Variants in SCAPER observed in about 807,000 individuals in gnomAD.
SCAPER encodes the protein S phase cyclin A-associated protein in the endoplasmic reticulum.
A neutral mutation model predicts 182.2 loss-of-function variants in SCAPER; 98 were observed. The ratio of observed to expected loss-of-function variants is 0.54; its 90% CI spans 0.46 to 0.64. The LOEUF is 0.64. Among genes scored for constraint, SCAPER ranks in the 30% least tolerant of loss-of-function variants. SCAPER has a pLI of 0.00. For synonymous variants in SCAPER, 605 were observed against 564.6 expected, an observed-to-expected ratio of 1.07 and a Z score of -1.01; for missense variants, 1,432 against 1,690.0, an observed-to-expected ratio of 0.85 and a Z score of 2.68.
intron 21 of SCAPER, among the ~76,000 whole-genome samples, chr15:76,633,901 G>A (rs143865855): frequency 1.3e-3 from 193 of 152,342 alleles, no homozygotes; most frequent in Non-Finnish European, 2.3e-3. Flanking sequence ...AGTCATTTTA[G>A]CTTATAGGGA....
At chr15:76,561,485 T>A (rs914428967) in intron 23 of SCAPER, among the ~76,000 whole-genome samples, 4 of 151,786 alleles carry the variant, frequency 2.6e-5, no homozygotes, top group East Asian at 1.9e-4. Context: ...ATTATAAAAA[T>A]TTTTTTTTAA....
intron 29 of SCAPER, among the ~76,000 whole-genome samples, chr15:76,371,582 T>G (rs1162651101): frequency 6.6e-6 from 1 of 150,758 alleles, no homozygotes; most frequent in Non-Finnish European, 1.5e-5. Context: ...CCTCTCAAAG[T>G]GCTGGGATTA....
chr15:76,429,067 C>T (rs1460075389), intron 26 of SCAPER, among the ~76,000 whole-genome samples: 3 of 151,564 alleles, frequency 2.0e-5, no homozygotes, highest in East Asian at 1.9e-4. Flanking sequence ...ATAAGTCTCA[C>T]GAGATCTGGT....
In SCAPER at chr15:76,381,422, G is replaced by A. The variant is rs1297546100; in HGVS notation, c.3661C>T (p.Arg1221Cys). Residue 1221 changes from arginine (R) to cysteine (C), a missense_variant, in exon 28 of 32, where the codon CGT (arginine) becomes TGT (cysteine). Arg to Cys is a radical substitution (Grantham distance 180). Transcript: ENST00000563290. ...AGAGCTGCAAAGCTGTTGAAGAAAC[G>A]TAAACTCTGAATGGCCACTTGGATG... ...NTIQVAIQSL[R>C]FFNSFAALHL... 3.7e-6 allele frequency: 6 copies of A among 1,613,686 alleles called. No homozygotes were observed. Among genetic ancestry groups the A allele is most frequent in the East Asian group, 2.2e-5 (1 of 44,904 alleles).
chr15:76,611,087 A>T (rs1301536905), intron 22 of SCAPER, among the ~76,000 whole-genome samples: 1 of 152,196 alleles, frequency 6.6e-6, no homozygotes, highest in Non-Finnish European at 1.5e-5. Flanking sequence ...AGAATAGAAT[A>T]CAGAATCCAT....
intron 14 of SCAPER, among the ~76,000 whole-genome samples, chr15:76,757,675 A>C (rs905930176): frequency 6.6e-6 from 1 of 152,136 alleles, no homozygotes; most frequent in African/African-American, 2.4e-5. Context: ...TTTTTTGAGG[A>C]AATTCCATAT....
intron 4 of SCAPER, among the ~76,000 whole-genome samples, chr15:76,849,803 A>C (rs1276869171): frequency 6.6e-6 from 1 of 152,176 alleles, no homozygotes; most frequent in Non-Finnish European, 1.5e-5. Context: ...GTGACTTATA[A>C]AGGAAAGAGG....
At chr15:76,861,778 C>T (rs1415800540) in intron 3 of SCAPER, 1 of 152,018 alleles carries the variant, frequency 6.6e-6, no homozygotes, top group African/African-American at 2.4e-5. Flanking sequence ...AGTCCATTTT[C>T]ATACTGCTTA....
At chr15:76,694,896 A>G (rs1478048660) in intron 20 of SCAPER, among the ~76,000 whole-genome samples, 2 of 152,132 alleles carry the variant, frequency 1.3e-5, no homozygotes, top group African/African-American at 4.8e-5. Flanking sequence ...TGAAAAAAGC[A>G]ATTTTGCAAT....
chr15:76,878,790 G>A (rs548646053), intron 2 of SCAPER, among the ~76,000 whole-genome samples: 1 of 151,994 alleles, frequency 6.6e-6, no homozygotes, highest in Non-Finnish European at 1.5e-5. Context: ...AGAAGAGGAA[G>A]AGGAAGAAGA....
At chr15:76,409,595 T>C (rs991459540) in intron 26 of SCAPER, among the ~76,000 whole-genome samples, 1 of 151,404 alleles carries the variant, frequency 6.6e-6, no homozygotes, top group Non-Finnish European at 1.5e-5. Context: ...CCATGTATTA[T>C]GTACCCCCGA....
intron 1 of SCAPER, among the ~76,000 whole-genome samples, chr15:76,893,573 C>G (rs552868687): frequency 1.3e-5 from 2 of 151,964 alleles, no homozygotes; most frequent in South Asian, 4.2e-4. Flanking sequence ...CCAAATGGAC[C>G]TAACAGACAT....
chr15:76,626,141 G>A (rs138001961), intron 21 of SCAPER, among the ~76,000 whole-genome samples: 180 of 152,100 alleles, frequency 1.2e-3, no homozygotes, highest in African/African-American at 2.4e-3. Context: ...GTCACTTCTC[G>A]GTTGAATGCC....
intron 25 of SCAPER, among the ~76,000 whole-genome samples, chr15:76,459,830 T>C (rs549262300): frequency 1.3e-5 from 2 of 152,268 alleles, no homozygotes; most frequent in Admixed American, 6.5e-5. Flanking sequence ...CTGTAATTCA[T>C]TTTGAGTTGA....
intron 26 of SCAPER, among the ~76,000 whole-genome samples, chr15:76,424,092 T>A (rs2046247168): frequency 6.6e-6 from 1 of 152,228 alleles, no homozygotes; most frequent in Non-Finnish European, 1.5e-5. Context: ...AGAATGTATA[T>A]TCTGTTGATT....
intron 2 of SCAPER, among the ~76,000 whole-genome samples, chr15:76,869,915 A>C (rs2072573543): frequency 6.6e-6 from 1 of 152,218 alleles, no homozygotes; most frequent in East Asian, 1.9e-4. Context: ...TTCAGCCATG[A>C]AAAAGAATAA....
intron 20 of SCAPER, among the ~76,000 whole-genome samples, chr15:76,697,932 G>T (rs908949102): frequency 2.6e-5 from 4 of 151,940 alleles, no homozygotes; most frequent in Non-Finnish European, 2.9e-5. Flanking sequence ...GAGCCACCGC[G>T]CCTGGCCACA....
intron 23 of SCAPER, among the ~76,000 whole-genome samples, chr15:76,557,792 A>G (rs896393736): frequency 3.9e-5 from 6 of 152,184 alleles, no homozygotes; most frequent in African/African-American, 9.7e-5. Flanking sequence ...GTACTGGTAT[A>G]AAAACAGATA....
chr15:76,553,308 T>C (rs972937375), intron 23 of SCAPER, among the ~76,000 whole-genome samples: 5 of 152,218 alleles, frequency 3.3e-5, no homozygotes, highest in African/African-American at 1.2e-4. Context: ...AGTGTGTATA[T>C]GGACACCGGT....
Sources: gnomAD v4.1 joint callset for allele counts (sites outside exome capture counted in the v4.1 genomes callset) on GRCh38, gnomAD v4.1.1 for gene constraint, MANE v1.5 for transcripts, NCBI Gene and HGNC (gene_info 2026-07-23, HGNC 2026-07-21) for gene names.